The following RAMP1 variants were observed in gnomAD, a reference collection of about 807,000 sequenced individuals.
RAMP1 encodes receptor activity-modifying protein 1.
RAMP1 carries 7 observed loss-of-function variants against 8.2 expected under a neutral mutation model. The observed-to-expected ratio is 0.85, with a 90% CI of 0.49 to 1.60. The LOEUF (loss-of-function observed/expected upper bound fraction) is 1.60. RAMP1 is among the 40% of genes most tolerant of loss of function. The pLI, the probability that RAMP1 is intolerant of heterozygous loss-of-function variation, is 0.00. For synonymous variants in RAMP1, 92 were observed against 84.7 expected, an observed-to-expected ratio of 1.09 and a Z score of -0.47; for missense variants, 192 against 202.4, an observed-to-expected ratio of 0.95 and a Z score of 0.31.
intron 1 of RAMP1, among the ~76,000 whole-genome samples, chr2:237,860,305 G>C (rs542473844): frequency 2.0e-4 from 30 of 152,276 alleles, no homozygotes; most frequent in African/African-American, 7.0e-4. Context: ...AGCCCTTTTC[G>C]GGACACTTCC....
intron 2 of RAMP1, among the ~76,000 whole-genome samples, chr2:237,907,423 C>T (rs1212271077): frequency 1.3e-5 from 2 of 152,148 alleles, no homozygotes; most frequent in African/African-American, 4.8e-5. Flanking sequence ...TCTCCTCTTT[C>T]TGGGACTCTC....
At chr2:237,909,989 G>A (rs2062693445) in intron 2 of RAMP1, among the ~76,000 whole-genome samples, 1 of 152,136 alleles carries the variant, frequency 6.6e-6, no homozygotes, top group Admixed American at 6.5e-5. Flanking sequence ...CTCTGCCCGT[G>A]CCGCCCAGGC....
chr2:237,907,236 T>G (rs1584243), intron 2 of RAMP1, among the ~76,000 whole-genome samples: 1 of 152,050 alleles, frequency 6.6e-6, no homozygotes, highest in African/African-American at 2.4e-5. Flanking sequence ...CCTTTTTCTT[T>G]GGTGCTCAGC....
chr2:237,910,831 A>T (rs2062704994), intron 2 of RAMP1, among the ~76,000 whole-genome samples: 1 of 151,970 alleles, frequency 6.6e-6, no homozygotes, highest in Admixed American at 6.5e-5. Flanking sequence ...ATAGTCACAC[A>T]GTCACATGCA....
rs145088404 is a variant in RAMP1, at chr2:237,911,667, G to A, written c.331G>A (p.Val111Met). ...GAGCTGCCCCATCTCAGGCAGGGCC[G>A]TGCGGGACCCGCCCGGCAGCATCCT... is the stretch of plus-strand genomic sequence containing the variant. Reference protein sequence around the residue: ...FRSCPISGRAVRDPPGSILYP... With the variant: ...FRSCPISGRAMRDPPGSILYP... The change falls in exon 3 of 3, where the codon GTG becomes ATG. Residue 111 changes from valine to methionine, a missense_variant. Physicochemically the swap from Val to Met is conservative, Grantham distance 21 (BLOSUM62 1). Transcript: ENST00000254661. 2.8e-5 allele frequency: 45 copies of A among 1,613,912 alleles called. No homozygotes were observed. The Admixed American group carries it at 3.8e-4, about 14-fold the overall frequency.
chr2:237,886,922 C>T (rs1409005097), intron 2 of RAMP1, among the ~76,000 whole-genome samples: 1 of 152,206 alleles, frequency 6.6e-6, no homozygotes, highest in African/African-American at 2.4e-5. Context: ...CAGCATCCAC[C>T]CCCGCCTCCC....
chr2:237,896,703 T>C (rs1176642837), intron 2 of RAMP1, among the ~76,000 whole-genome samples: 1 of 152,242 alleles, frequency 6.6e-6, no homozygotes, highest in African/African-American at 2.4e-5. Context: ...TGGAATGCAG[T>C]TGCATGATCT....
chr2:237,900,838 T>C (rs1576554703), intron 2 of RAMP1, among the ~76,000 whole-genome samples: 1 of 152,230 alleles, frequency 6.6e-6, no homozygotes, highest in East Asian at 1.9e-4. Context: ...TGATTTATAC[T>C]CTGGGGATTT....
intron 2 of RAMP1, among the ~76,000 whole-genome samples, chr2:237,906,610 CTCTT>C (rs1559955533): frequency 6.6e-6 from 1 of 151,656 alleles, no homozygotes. Context: ...GGATCTCAAA[CTCTT>C]TCTTATCACT....
chr2:237,884,434 G>A (rs554180129), intron 2 of RAMP1, among the ~76,000 whole-genome samples: 1 of 152,290 alleles, frequency 6.6e-6, no homozygotes, highest in East Asian at 1.9e-4. Context: ...GAGGGAGAGA[G>A]AAGGCAGAAC....
intron 2 of RAMP1, among the ~76,000 whole-genome samples, chr2:237,895,774 C>T (rs1400668428): frequency 6.6e-6 from 1 of 152,170 alleles, no homozygotes; most frequent in Non-Finnish European, 1.5e-5. Context: ...AGGCAGAGCC[C>T]GTCCAGCCTC....
chr2:237,861,720 A>G lies in RAMP1; in HGVS notation c.52+1993A>G, dbSNP rs578144040. On this transcript the variant is annotated intron_variant, in intron 1 of 2. Transcript: ENST00000254661. Reference sequence around the variant, plus strand: ...AAAAAAATTAGGCAGGCATGGTGGCAGGCACCTATAATCCCGGCTACTTGG... The same window carrying G: ...AAAAAAATTAGGCAGGCATGGTGGCGGGCACCTATAATCCCGGCTACTTGG... 1.6e-4 allele frequency among the ~76,000 whole-genome samples: 24 copies of G among 152,186 alleles called. No homozygotes were observed. The South Asian group carries it at 5.0e-3, about 32-fold the overall frequency.
chr2:237,882,930 T>G (rs889050306), intron 2 of RAMP1, among the ~76,000 whole-genome samples: 1 of 152,012 alleles, frequency 6.6e-6, no homozygotes, highest in East Asian at 1.9e-4. Flanking sequence ...CCTCAGGGAA[T>G]GCTCCCAGCC....
Position 237,902,159 on chromosome 2 carries a change from C to T in RAMP1, c.192-9369C>T, listed in dbSNP as rs1047261853. Among the ~76,000 whole-genome samples the T allele has an allele frequency of 1.4e-4, 22 of 152,010 alleles. No homozygotes were observed. The East Asian group carries it at 1.7e-3, about 12-fold the overall frequency. On this transcript the variant is annotated intron_variant, in intron 2 of 2. Transcript: ENST00000254661. ...CACTTCGCGGGGGATGCCTCTCCTC[C>T]GGGGGCTGGTAAGGGCCCGGGGTCT...
At chr2:237,897,072 A>G (rs1452867599) in intron 2 of RAMP1, among the ~76,000 whole-genome samples, 1 of 152,204 alleles carries the variant, frequency 6.6e-6, no homozygotes, top group African/African-American at 2.4e-5. Flanking sequence ...ACATGCCTGC[A>G]GCTCACCGGA....
At chr2:237,883,511 A>C (rs1166106433) in intron 2 of RAMP1, among the ~76,000 whole-genome samples, 1 of 152,138 alleles carries the variant, frequency 6.6e-6, no homozygotes, top group African/African-American at 2.4e-5. Context: ...ATAGAAGTAA[A>C]AAGTGAATGG....
intron 2 of RAMP1, among the ~76,000 whole-genome samples, chr2:237,896,082 C>T (rs2062539679): frequency 6.6e-6 from 1 of 152,224 alleles, no homozygotes; most frequent in African/African-American, 2.4e-5. Flanking sequence ...ATTCCCTGAT[C>T]CTCGGACCCT....
At chr2:237,890,148 G>A (rs760171007) in intron 2 of RAMP1, among the ~76,000 whole-genome samples, 3 of 152,084 alleles carry the variant, frequency 2.0e-5, no homozygotes, top group Non-Finnish European at 4.4e-5. Flanking sequence ...TTAGGACCAC[G>A]TTTGCCTAAT....
chr2:237,878,337 G>A lies in RAMP1; in HGVS notation c.191+975G>A, dbSNP rs1372991719. 6.6e-6 allele frequency among the ~76,000 whole-genome samples: 1 copy of A among 152,374 alleles called. No individual in the cohort carries two copies. Among genetic ancestry groups the A allele is most frequent in the South Asian group, 2.1e-4 (1 of 4,828 alleles). ...TCGGGAGGGTCTTCACGGAGGAAAG[G>A]TTGCACCAAGGTCACACACGAAGAG... On this transcript the variant is annotated intron_variant, in intron 2 of 2. Transcript: ENST00000254661. This position sits in a 1 kb window ranked among gnomAD's most constrained non-coding sequence, Gnocchi z 5.7.
Sources: gnomAD v4.1 joint callset for allele counts (sites outside exome capture counted in the v4.1 genomes callset) on GRCh38, gnomAD v4.1.1 for gene constraint, Gnocchi (gnomAD v3.1) non-coding constraint, MANE v1.5 for transcripts, NCBI Gene and HGNC (gene_info 2026-07-23, HGNC 2026-07-21) for gene names.